RICTOR: variants seen among roughly 807,000 people sequenced by gnomAD.
RICTOR encodes the protein RPTOR independent companion of MTOR complex 2.
In RICTOR, 49 loss-of-function variants were observed where a neutral mutation model predicts 214.9. The ratio of observed to expected loss-of-function variants is 0.23; its 90% CI spans 0.18 to 0.29. The LOEUF (loss-of-function observed/expected upper bound fraction) is 0.29, where lower values mean the gene tolerates loss of function less well. Ranked by LOEUF, RICTOR falls within the 10% of genes least tolerant of loss-of-function variation. RICTOR has a pLI of 1.00. For missense variants in RICTOR, 1,625 were observed against 2,047.0 expected (o/e 0.79, Z 3.98); for synonymous variants, 717 against 711.3 (o/e 1.01, Z -0.13).
chr5:38,950,215 T>A lies in RICTOR; in HGVS notation c.3633A>T (p.Ser1211=), dbSNP rs377656142. The A allele has an allele frequency of 6.2e-7, 1 of 1,613,606 alleles. No individual in the cohort carries two copies. Among genetic ancestry groups the A allele is most frequent in the Non-Finnish European group, 8.5e-7 (1 of 1,179,672 alleles). ...AACTTTGGCTACGTATCTTCATATG[T>A]GAGCTCGTTGAACTTTCTACTACTA... ...ERLVVESSTS[S]HMKIRSQSFN... The change falls in exon 31 of 38, where the codon TCA becomes TCT. Residue 1211 remains serine, a synonymous_variant. Transcript: ENST00000357387.
Position 39,074,164 on chromosome 5 carries a change from C to T in RICTOR, c.50-6G>A, listed in dbSNP as rs1174290853. 1 of 1,589,618 alleles carries T rather than the reference C, an allele frequency of 6.3e-7. No individual in the cohort carries two copies. The highest frequency in any genetic ancestry group is 8.5e-7 in the Non-Finnish European group (1 of 1,169,634). On this transcript the variant is annotated splice_polypyrimidine_tract_variant and splice_region_variant and intron_variant, in intron 1 of 37. Coordinates refer to ENST00000357387, the MANE Select transcript of RICTOR (RefSeq NM_152756.5). ...CTCGCCGCTGTCATTCCGCCCTGCG[C>T]GAAACAGACACACAGCCCCAATTAG...
rs773279594 is a variant in RICTOR at position 38,950,697 on chromosome 5, G to T, written c.3151C>A (p.Arg1051=). 5 of 1,598,700 alleles carry T rather than the reference G, an allele frequency of 3.1e-6. No homozygotes were observed. The Admixed American group carries it at 5.2e-5, about 17-fold the overall frequency. ...PSSMFILEDD[R]FGSSSTSTFF... The stretch of plus-strand genomic sequence containing the variant: ...GTGCTAGTAGAGCTGCTGCCAAACC[G>T]GTCATCCTCCAATATGAACATACCT... Residue 1051 remains arginine (R), a synonymous_variant, in exon 31 of 38, where the codon CGG becomes AGG. Transcript: ENST00000357387.
chr5:38,994,419 TA>T (rs869254811), intron 6 of RICTOR, among the ~76,000 whole-genome samples: 645 of 57,122 alleles, frequency 0.011, 5 homozygotes, highest in African/African-American at 0.032. Context: ...AAGGTTTTAC[TA>T]AAAAAAAAAA....
chr5:39,017,615 G>A (rs1386220587), intron 3 of RICTOR, among the ~76,000 whole-genome samples: 1 of 151,586 alleles, frequency 6.6e-6, no homozygotes, highest in Non-Finnish European at 1.5e-5. Flanking sequence ...AAAACAGCCA[G>A]AGTATTTTAA....
At chr5:39,047,051 T>C (rs75199523) in intron 2 of RICTOR, among the ~76,000 whole-genome samples, 1 of 152,138 alleles carries the variant, frequency 6.6e-6, no homozygotes, top group Non-Finnish European at 1.5e-5. Context: ...TGTAATCAAA[T>C]TAATTCATCT....
At chr5:39,063,651 T>C (rs896352232) in intron 2 of RICTOR, among the ~76,000 whole-genome samples, 1 of 152,174 alleles carries the variant, frequency 6.6e-6, no homozygotes, top group African/African-American at 2.4e-5. Context: ...TGTCTTTTAC[T>C]GTACACTGAT....
chr5:38,962,834 G>T (rs1178845916), intron 17 of RICTOR, 42 bp downstream of exon 17: 1 of 1,513,722 alleles, frequency 6.6e-7, no homozygotes, highest in Non-Finnish European at 9.2e-7. Context: ...AAGGAATTAA[G>T]ATGTTGTGTT....
rs1561503281 is a variant in RICTOR, at chr5:38,990,798, T to TATATGA, written c.583+150_583+151insTCATAT. 10 of 98,116 alleles carry TATATGA rather than the reference T, an allele frequency of 1.0e-4. 3 individuals carry two copies. Among genetic ancestry groups the TATATGA allele is most frequent in the Non-Finnish European group, 1.7e-4 (9 of 54,224 alleles). The allele number at this position is 98,116 out of a possible 1,614,324, so 6.1% of individuals were successfully genotyped here. On this transcript the variant is annotated intron_variant, in intron 7 of 37. Transcript: ENST00000357387. ...ATATATATGAGATATATGAGATATATGATATATATGAGATATATGAGATAT... is the reference window on the plus strand; with the variant it reads ...ATATATATGAGATATATGAGATATATATATGAGATATATATGAGATATATGAGATAT...
In RICTOR at chr5:38,990,617, GAT is replaced by G. The variant is rs1459505128; in HGVS notation, c.583+330_583+331del. ...TATACGATATATATGATATATATACGATATATGATATATATATCTGACATATA... is the reference window on the plus strand; with the variant it reads ...TATACGATATATATGATATATATACGATATGATATATATATCTGACATATA... On this transcript the variant is annotated intron_variant, in intron 7 of 37. Transcript: ENST00000357387. Among the ~76,000 whole-genome samples, 48 of 92,080 alleles carry G rather than the reference GAT, an allele frequency of 5.2e-4. 8 individuals carry two copies. In the South Asian group the frequency reaches 0.012, roughly 23 times the overall value. The allele number at this position is 92,080 out of a possible 152,430, so 60.4% of individuals were successfully genotyped here. A position where few individuals can be genotyped will look rare whatever the true frequency, so the allele number is the denominator to read the frequency against.
rs751812891 is a variant in RICTOR at position 38,959,822 on chromosome 5, G to A, written c.2008C>T (p.Pro670Ser). 5 of 1,613,300 alleles carry A rather than the reference G, an allele frequency of 3.1e-6. 1 individual carries two copies. In the South Asian group the frequency reaches 3.3e-5, roughly 11 times the overall value. ...TTTTCCAGCATTTTAACTCCATGAG[G>A]GTGGCAAGAAAGTGTTCCAATAAAT... ...FLFIGTLSCH[P>S]HGVKMLEKCS... Residue 670 changes from proline to serine, a missense_variant, in exon 21 of 38, where the codon CCT (proline) becomes TCT (serine). Coordinates refer to ENST00000357387, the MANE Select transcript of RICTOR (RefSeq NM_152756.5).
intron 5 of RICTOR, among the ~76,000 whole-genome samples, chr5:38,997,804 T>TCCTAACAGAAAGCAGAAATGC (rs1333418604): frequency 1.3e-5 from 2 of 152,006 alleles, no homozygotes; most frequent in Non-Finnish European, 2.9e-5. Flanking sequence ...ACGGGCAGAG[T>TCCTAACAGAAAGCAGAAATGC]CCTAACAGAA....
intron 32 of RICTOR, 62 bp from the exon 33 acceptor site, chr5:38,946,614 T>C: frequency 2.0e-6 from 2 of 997,116 alleles, no homozygotes; most frequent in East Asian, 2.4e-5. Flanking sequence ...TTATGAAAAT[T>C]AGCAAAATTA....
chr5:39,012,490 AAGAACAT>A (rs1460908078), intron 3 of RICTOR, among the ~76,000 whole-genome samples: 1 of 152,170 alleles, frequency 6.6e-6, no homozygotes, highest in East Asian at 1.9e-4. Context: ...GAAGAAATAG[AAGAACAT>A]AGAGTGAGTT....
At chr5:39,002,998 C>G (rs957507150) in intron 4 of RICTOR, among the ~76,000 whole-genome samples, 1 of 151,992 alleles carries the variant, frequency 6.6e-6, no homozygotes, top group Non-Finnish European at 1.5e-5. Flanking sequence ...CAAGCTGTAC[C>G]ATTTGTGTCT....
At chr5:38,984,745 A>G (rs1261199218) in intron 7 of RICTOR, among the ~76,000 whole-genome samples, 1 of 152,148 alleles carries the variant, frequency 6.6e-6, no homozygotes, top group Non-Finnish European at 1.5e-5. Context: ...GCAAAAAAAC[A>G]TCTTTTCTTG....
At chr5:38,949,347 T>C (rs747449342) in intron 31 of RICTOR, 54 of 1,544,688 alleles carry the variant, frequency 3.5e-5, no homozygotes, top group Non-Finnish European at 4.6e-5. Context: ...GAGCCTTAAA[T>C]TGACCTACCT....
intron 2 of RICTOR, among the ~76,000 whole-genome samples, chr5:39,061,268 G>C (rs1315119317): frequency 6.6e-6 from 1 of 151,976 alleles, no homozygotes; most frequent in Non-Finnish European, 1.5e-5. Flanking sequence ...CCAAATAAAA[G>C]AACTAGGACT....
chr5:39,036,363 T>C (rs1756692171), intron 2 of RICTOR, among the ~76,000 whole-genome samples: 1 of 152,156 alleles, frequency 6.6e-6, no homozygotes, highest in Admixed American at 6.5e-5. Flanking sequence ...TGCAAAAACA[T>C]GCCAAATTGT....
At chr5:38,967,313 A>T (rs1750321379) in intron 13 of RICTOR, 24 bp downstream of exon 13, 1 of 1,601,304 alleles carries the variant, frequency 6.2e-7, no homozygotes, top group Non-Finnish European at 8.5e-7. Context: ...AATAAATTGA[A>T]ACCCTTTTTA....
Sources: allele counts gnomAD v4.1 joint callset (sites outside exome capture counted in the v4.1 genomes callset), GRCh38; gene constraint gnomAD v4.1.1; transcripts MANE v1.5; gene names NCBI Gene and HGNC (gene_info 2026-07-23, HGNC 2026-07-21).